The following GOLGA7B variants were observed in gnomAD, a reference collection of about 807,000 sequenced individuals.
GOLGA7B encodes golgin A7 family member B, also known as golgin subfamily A member 7B.
In GOLGA7B, 17 loss-of-function variants were observed where a neutral mutation model predicts 21.5. The observed-to-expected ratio is 0.79, with a 90% confidence interval of 0.54 to 1.19. GOLGA7B has a LOEUF of 1.19. Ranked by LOEUF, GOLGA7B falls within the 50% of genes most tolerant of loss-of-function variation. The probability of loss-of-function intolerance (pLI) is 0.00; values close to 1 mark genes in which losing one functional copy is unlikely to be tolerated. For missense variants in GOLGA7B, 169 were observed against 224.4 expected (o/e 0.75, Z 1.58); for synonymous variants, 87 against 84.0 (o/e 1.04, Z -0.19).
chr10:97,862,882 C>T (rs972425793), intron 2 of GOLGA7B, among the ~76,000 whole-genome samples: 1 of 152,054 alleles, frequency 6.6e-6, no homozygotes, highest in Non-Finnish European at 1.5e-5. Context: ...TCACGGCAGC[C>T]TGCAGGGGAA....
rs929842046 is a variant in GOLGA7B at position 97,865,957 on chromosome 10, C to A, written c.*257C>A. 15 of 512,924 alleles carry A rather than the reference C, an allele frequency of 2.9e-5. No individual in the cohort carries two copies. Among genetic ancestry groups the A allele is most frequent in the Middle Eastern group, 5.2e-4 (1 of 1,920 alleles). 31.8% of individuals were successfully genotyped at this position (512,924 alleles called of 1,614,324 possible). On this transcript the variant is annotated 3_prime_UTR_variant, in exon 5 of 5. Transcript: ENST00000370602. ...CCCGATGGGGCTGGTCTGGGCCACA[C>A]AGAGACAGATCTTCCTAGGAAGGCT...
intron 4 of GOLGA7B, 33 bp from the exon 5 acceptor site, chr10:97,865,556 TG>T (rs2050010305): frequency 6.2e-6 from 10 of 1,608,048 alleles, no homozygotes; most frequent in Middle Eastern, 1.7e-4. Flanking sequence ...GCTCAGCAGC[TG>T]GGCTCGCAGC....
chr10:97,861,319 C>A (rs564185407), intron 2 of GOLGA7B, among the ~76,000 whole-genome samples: 13 of 152,354 alleles, frequency 8.5e-5, no homozygotes, highest in African/African-American at 3.1e-4. Context: ...GACACAATTG[C>A]ATCTTTTGTG....
At position 97,869,475 on chromosome 10, in the gene GOLGA7B, A is replaced by G. The variant is rs896189399; in HGVS notation, c.*3775A>G. The stretch of plus-strand genomic sequence containing the variant: ...TCAGCCAGACTGTCCCCGAGGTCCC[A>G]AGTGAGGCCCCAGCCACTCAGGCAT... On this transcript the variant is annotated 3_prime_UTR_variant, in exon 5 of 5. Transcript: ENST00000370602. 1.3e-5 allele frequency: 2 copies of G among 152,688 alleles called. No individual in the cohort carries two copies. The highest frequency in any genetic ancestry group is 4.8e-5 in the African/African-American group (2 of 41,478). 9.5% of individuals were successfully genotyped at this position (152,688 alleles called of 1,614,324 possible). A position where few individuals can be genotyped will look rare whatever the true frequency, so the allele number is the denominator to read the frequency against.
intron 4 of GOLGA7B, among the ~76,000 whole-genome samples, chr10:97,864,528 C>G (rs192903867): frequency 1.3e-5 from 2 of 152,154 alleles, no homozygotes; most frequent in Non-Finnish European, 2.9e-5. Context: ...TTTGAAAATA[C>G]GAATTCATGT....
intron 2 of GOLGA7B, among the ~76,000 whole-genome samples, chr10:97,861,969 C>T (rs1401227797): frequency 6.6e-6 from 1 of 152,182 alleles, no homozygotes; most frequent in Non-Finnish European, 1.5e-5. Flanking sequence ...CCTAGAGAGG[C>T]AGGGAGGTCC....
At chr10:97,851,113 A>G (rs768944461) in intron 1 of GOLGA7B, among the ~76,000 whole-genome samples, 2 of 152,072 alleles carry the variant, frequency 1.3e-5, no homozygotes, top group Non-Finnish European at 2.9e-5. Flanking sequence ...CACTTTATAC[A>G]TGATAAAGGT....
In GOLGA7B at chr10:97,863,981, G is replaced by T. The variant is rs377092921; in HGVS notation, c.190G>T (p.Ala64Ser). 2 of 1,614,194 alleles carry T rather than the reference G, an allele frequency of 1.2e-6. No individual in the cohort carries two copies. Among genetic ancestry groups the T allele is most frequent in the Admixed American group, 3.3e-5 (2 of 60,020 alleles). Residue 64 changes from alanine to serine, a missense_variant, in exon 3 of 5, where the codon GCA becomes TCA. Ala to Ser is a moderately conservative substitution (Grantham distance 99, BLOSUM62 1). Coordinates refer to ENST00000370602, the MANE Select transcript of GOLGA7B (RefSeq NM_001010917.3). ...ETVKTLNGFY[A>S]EAEKIGGSSY... ...TGTGAAGACCCTCAACGGATTTTAC[G>T]CAGAGGCTGAGAAGATTGGGGGCAG...
chr10:97,865,687 CG>C lies in GOLGA7B; in HGVS notation c.496del (p.Ala166ProfsTer74). 6.2e-7 allele frequency: 1 copy of C among 1,603,394 alleles called. No homozygotes were observed. Among genetic ancestry groups the C allele is most frequent in the Non-Finnish European group, 8.5e-7 (1 of 1,174,842 alleles). On this transcript the variant is annotated frameshift_variant, in exon 5 of 5. Transcript: ENST00000370602. LOFTEE classifies it high-confidence loss of function. ...AGCAGCAGCGGTGGGGGTGGTGGGG[CG>C]GGGGCCCGGTGACTGGCCGAGAGTC... ...SGSSSGGGGG[A>X]GAR
In GOLGA7B at chr10:97,869,351, T is replaced by C. The variant is rs12263802; in HGVS notation, c.*3651T>C. On this transcript the variant is annotated 3_prime_UTR_variant, in exon 5 of 5. Transcript: ENST00000370602. ...TTCTCTCTGCTGGCTTAGTTACAGG[T>C]GGTGGCCTGTCTCTCCGGGGTCTGG... The C allele has an allele frequency of 0.11, 16,125 of 147,428 alleles. 1,534 individuals are homozygous for C. Among genetic ancestry groups the C allele is most frequent in the African/African-American group, 0.26 (10,528 of 41,200 alleles). The allele number at this position is 147,428 out of a possible 1,614,324, so 9.1% of individuals were successfully genotyped here.
In GOLGA7B at chr10:97,850,134, GCCCGCCCCCGGCCCA is replaced by G; in HGVS notation, c.-167_-153del. 1.7e-5 allele frequency: 1 copy of G among 59,492 alleles called. No individual in the cohort carries two copies. The allele number at this position is 59,492 out of a possible 1,614,324, so 3.7% of individuals were successfully genotyped here. A position where few individuals can be genotyped will look rare whatever the true frequency, so the allele number is the denominator to read the frequency against. On this transcript the variant is annotated 5_prime_UTR_variant, in exon 1 of 5. Transcript: ENST00000370602. ...GCCCCTTGCCTGGACCCAGCCGCCC[GCCCGCCCCCGGCCCA>G]CCTGAGCCCGGGCCCGCGGCGCCCG...
At chr10:97,856,147 G>T (rs755815800) in intron 1 of GOLGA7B, among the ~76,000 whole-genome samples, 4 of 152,112 alleles carry the variant, frequency 2.6e-5, no homozygotes, top group African/African-American at 4.8e-5. Context: ...ATTGCATATT[G>T]GTGGAGATTG....
Position 97,864,013 on chromosome 10 carries a change from C to T in GOLGA7B, c.222C>T (p.Tyr74=). Residue 74 remains tyrosine, a synonymous_variant, in exon 3 of 5, where the codon TAC becomes TAT. Coordinates refer to ENST00000370602, the MANE Select transcript of GOLGA7B (RefSeq NM_001010917.3). ...AEAEKIGGSS[Y]LEGCLACATA... is the part of the protein sequence containing the mutation. ...CTGAGAAGATTGGGGGCAGCTCCTACCTCGAGGGCTGCCTGGCCTGCGCCA... is the reference window on the plus strand; with the variant it reads ...CTGAGAAGATTGGGGGCAGCTCCTATCTCGAGGGCTGCCTGGCCTGCGCCA... 1 of 1,614,150 alleles carries T rather than the reference C, an allele frequency of 6.2e-7. No individual in the cohort carries two copies. Among genetic ancestry groups the T allele is most frequent in the Admixed American group, 1.7e-5 (1 of 60,036 alleles).
In GOLGA7B at chr10:97,850,258, A is replaced by AC. The variant is rs780872826; in HGVS notation, c.-40dup. The stretch of plus-strand genomic sequence containing the variant: ...TGCTCCCGGGGTCAGCACCGCGGAG[A>AC]CCCCCCTCGCCCGGCCCCGCGACAG... On this transcript the variant is annotated 5_prime_UTR_variant, in exon 1 of 5. Coordinates refer to ENST00000370602, the MANE Select transcript of GOLGA7B (RefSeq NM_001010917.3). 9 of 1,422,470 alleles carry AC rather than the reference A, an allele frequency of 6.3e-6. No individual in the cohort carries two copies. The highest frequency in any genetic ancestry group is 6.0e-5 in the East Asian group (2 of 33,506). The allele number at this position is 1,422,470 out of a possible 1,614,324, so 88.1% of individuals were successfully genotyped here.
chr10:97,861,920 A>G (rs1158839072), intron 2 of GOLGA7B, among the ~76,000 whole-genome samples: 1 of 152,042 alleles, frequency 6.6e-6, no homozygotes, highest in Non-Finnish European at 1.5e-5. Flanking sequence ...TGTAGGGGGA[A>G]CTCCTAAGCT....
chr10:97,856,569 CATA>C (rs751392569), intron 1 of GOLGA7B, among the ~76,000 whole-genome samples: 1 of 152,152 alleles, frequency 6.6e-6, no homozygotes, highest in African/African-American at 2.4e-5. Flanking sequence ...GTCTTTTTAA[CATA>C]ATGATTTATT....
chr10:97,861,765 G>A (rs1308897121), intron 2 of GOLGA7B, among the ~76,000 whole-genome samples: 4 of 152,216 alleles, frequency 2.6e-5, no homozygotes, highest in African/African-American at 4.8e-5. Flanking sequence ...GCCAGCTTTC[G>A]GAGAGAATGT....
rs913178183 is a variant in GOLGA7B at position 97,869,902 on chromosome 10, C to G, written c.*4202C>G. On this transcript the variant is annotated 3_prime_UTR_variant, in exon 5 of 5. Coordinates refer to ENST00000370602, the MANE Select transcript of GOLGA7B (RefSeq NM_001010917.3). ...GGGGGGCCCAGACAGGAGGCATCAC[C>G]ACCTGGTTTGGGCTTTACCATTCAC... The G allele has an allele frequency of 6.6e-6, 1 of 152,304 alleles. No homozygotes were observed. The highest frequency in any genetic ancestry group is 1.5e-5 in the Non-Finnish European group (1 of 68,100). 9.4% of individuals were successfully genotyped at this position (152,304 alleles called of 1,614,324 possible). A position where few individuals can be genotyped will look rare whatever the true frequency, so the allele number is the denominator to read the frequency against.
chr10:97,856,081 AATTTT>A (rs1369831880), intron 1 of GOLGA7B, among the ~76,000 whole-genome samples: 1 of 151,942 alleles, frequency 6.6e-6, no homozygotes, highest in African/African-American at 2.4e-5. Flanking sequence ...TTTGTTTTTA[AATTTT>A]ATTTTATTTT....
Sources: gnomAD v4.1 joint callset for allele counts (sites outside exome capture counted in the v4.1 genomes callset) on GRCh38, gnomAD v4.1.1 for gene constraint, MANE v1.5 for transcripts, NCBI Gene and HGNC (gene_info 2026-07-23, HGNC 2026-07-21) for gene names.